The following TMEM132D variants were observed in gnomAD, a reference collection of about 807,000 sequenced individuals.
TMEM132D encodes the protein transmembrane protein 132D.
TMEM132D carries 21 observed loss-of-function variants against 62.3 expected under a neutral mutation model. The observed-to-expected ratio is 0.34, with a 90% CI of 0.24 to 0.49. The LOEUF (loss-of-function observed/expected upper bound fraction) is 0.49, where lower values mean the gene tolerates loss of function less well. TMEM132D is among the 20% of genes least tolerant of loss of function. The pLI is 0.99. For missense variants in TMEM132D, 1,346 were observed against 1,402.8 expected, an observed-to-expected ratio of 0.96 and a Z score of 0.65; for synonymous variants, 621 against 575.6, an observed-to-expected ratio of 1.08 and a Z score of -1.13.
intron 4 of TMEM132D, among the ~76,000 whole-genome samples, chr12:129,308,363 G>A (rs1340518957): frequency 6.6e-6 from 1 of 152,112 alleles, no homozygotes; most frequent in Admixed American, 6.6e-5. Flanking sequence ...TATCTGCATG[G>A]GTGAATAAAG....
At chr12:129,637,341 T>C (rs1189212960) in intron 2 of TMEM132D, among the ~76,000 whole-genome samples, 1 of 152,240 alleles carries the variant, frequency 6.6e-6, no homozygotes, top group African/African-American at 2.4e-5. Context: ...AAGAGTATTA[T>C]TCACATGGTT....
At chr12:129,728,526 G>A (rs1869113762) in intron 1 of TMEM132D, among the ~76,000 whole-genome samples, 1 of 152,158 alleles carries the variant, frequency 6.6e-6, no homozygotes, top group African/African-American at 2.4e-5. Flanking sequence ...TGGGGAATAT[G>A]AACAAAAAAG....
intron 5 of TMEM132D, among the ~76,000 whole-genome samples, chr12:129,167,193 A>C (rs1877590874): frequency 6.6e-6 from 1 of 151,228 alleles, no homozygotes; most frequent in African/African-American, 2.4e-5. Context: ...CAGTGCCAAC[A>C]TGGGTAGCAA....
chr12:129,649,474 C>G (rs1392199591), intron 2 of TMEM132D, among the ~76,000 whole-genome samples: 1 of 152,102 alleles, frequency 6.6e-6, no homozygotes, highest in Non-Finnish European at 1.5e-5. Flanking sequence ...TGATTGGGAA[C>G]CTGATACTCC....
At chr12:129,345,930 T>C in intron 3 of TMEM132D, among the ~76,000 whole-genome samples, 1 of 152,200 alleles carries the variant, frequency 6.6e-6, no homozygotes, top group Non-Finnish European at 1.5e-5. Context: ...CAGGTTTTGG[T>C]ATCAGGATGA....
chr12:129,772,918 C>T (rs1165834070), intron 1 of TMEM132D, among the ~76,000 whole-genome samples: 1 of 152,202 alleles, frequency 6.6e-6, no homozygotes, highest in Non-Finnish European at 1.5e-5. Context: ...ATGGAGAAGA[C>T]ATAGATGCTG....
intron 3 of TMEM132D, among the ~76,000 whole-genome samples, chr12:129,511,696 T>C (rs1287354567): frequency 6.6e-6 from 1 of 152,246 alleles, no homozygotes; most frequent in Non-Finnish European, 1.5e-5. Context: ...TTGTCTTCTA[T>C]TCTGGGTATG....
intron 3 of TMEM132D, among the ~76,000 whole-genome samples, chr12:129,379,773 G>A (rs1870887121): frequency 6.6e-6 from 1 of 152,158 alleles, no homozygotes; most frequent in South Asian, 2.1e-4. Flanking sequence ...CTGACCTGCA[G>A]GAGTGGTAAT....
chr12:129,168,428 A>T (rs1034429774), intron 5 of TMEM132D, among the ~76,000 whole-genome samples: 1 of 152,128 alleles, frequency 6.6e-6, no homozygotes, highest in African/African-American at 2.4e-5. Context: ...AGTCACTTTC[A>T]TTCCTGCTCC....
chr12:129,424,202 T>TAA (rs5801853), intron 3 of TMEM132D, among the ~76,000 whole-genome samples: 61 of 148,700 alleles, frequency 4.1e-4, no homozygotes, highest in Admixed American at 1.3e-3. Flanking sequence ...AATTTTTTTG[T>TAA]AAAAAAAAAA....
chr12:129,122,101 C>T (rs1351479156), intron 5 of TMEM132D, among the ~76,000 whole-genome samples: 7 of 152,146 alleles, frequency 4.6e-5, no homozygotes, highest in East Asian at 1.9e-4. Context: ...CTGGGTGACC[C>T]GCCAGTGTGA....
At position 129,483,107 on chromosome 12, in the gene TMEM132D, C is replaced by T. The variant is rs555304690; in HGVS notation, c.1115+47952G>A. ...AAAGAAAATTGTGTTTTCTAAATGCCCTTCTCATTAAACAAATGACAAAAA... is the reference window on the plus strand; with the variant it reads ...AAAGAAAATTGTGTTTTCTAAATGCTCTTCTCATTAAACAAATGACAAAAA... On this transcript the variant is annotated intron_variant, in intron 3 of 8. Coordinates refer to ENST00000422113, the MANE Select transcript of TMEM132D (RefSeq NM_133448.3). Among the ~76,000 whole-genome samples, 7 of 152,186 alleles carry T rather than the reference C, an allele frequency of 4.6e-5. 1 individual carries two copies. In the South Asian group the frequency reaches 1.5e-3, roughly 32 times the overall value.
intron 4 of TMEM132D, among the ~76,000 whole-genome samples, chr12:129,240,604 C>T (rs1048481637): frequency 3.3e-5 from 5 of 152,170 alleles, no homozygotes; most frequent in African/African-American, 1.2e-4. Context: ...ATTTAAAAAT[C>T]ATAAAAAGCT....
At chr12:129,116,662 G>A (rs1257447514) in intron 5 of TMEM132D, among the ~76,000 whole-genome samples, 1 of 152,020 alleles carries the variant, frequency 6.6e-6, no homozygotes, top group Non-Finnish European at 1.5e-5. Flanking sequence ...TATATCACCA[G>A]GGAATTTCAA....
intron 5 of TMEM132D, among the ~76,000 whole-genome samples, chr12:129,093,426 C>T (rs1330868381): frequency 6.6e-6 from 1 of 152,038 alleles, no homozygotes; most frequent in Non-Finnish European, 1.5e-5. Context: ...AGTGAACTCC[C>T]ATTCACAATT....
At chr12:129,611,570 G>A (rs964282179) in intron 2 of TMEM132D, among the ~76,000 whole-genome samples, 1 of 152,132 alleles carries the variant, frequency 6.6e-6, no homozygotes, top group East Asian at 1.9e-4. Flanking sequence ...AAGTCCAATG[G>A]ACGTTGACTG....
At chr12:129,535,770 T>TTTGTGTG (rs1876365489) in intron 2 of TMEM132D, among the ~76,000 whole-genome samples, 1 of 122,882 alleles carries the variant, frequency 8.1e-6, no homozygotes, top group Non-Finnish European at 1.8e-5. Context: ...CATTTAAGAT[T>TTTGTGTG]TGTGTGCGTG....
At chr12:129,223,839 A>G (rs1449556944) in intron 4 of TMEM132D, among the ~76,000 whole-genome samples, 1 of 152,198 alleles carries the variant, frequency 6.6e-6, no homozygotes, top group Non-Finnish European at 1.5e-5. Flanking sequence ...TGGATCTCAG[A>G]GTTGAAATCC....
At chr12:129,461,951 T>C (rs911916860) in intron 3 of TMEM132D, among the ~76,000 whole-genome samples, 4 of 152,324 alleles carry the variant, frequency 2.6e-5, no homozygotes, top group East Asian at 1.9e-4. Context: ...CCTTTGATGA[T>C]TGAAAATCGT....
Sources: gnomAD v4.1 joint callset for allele counts (sites outside exome capture counted in the v4.1 genomes callset) on GRCh38, gnomAD v4.1.1 for gene constraint, MANE v1.5 for transcripts, NCBI Gene and HGNC (gene_info 2026-07-23, HGNC 2026-07-21) for gene names.